Variants in ADGRL3 observed in about 807,000 individuals in gnomAD.
The protein encoded by ADGRL3 is calcium-independent alpha-latrotoxin receptor 3.
In ADGRL3, 62 loss-of-function variants were observed where a neutral mutation model predicts 153.5. That is an observed-to-expected ratio of 0.40 (90% CI 0.33 to 0.50). The LOEUF (loss-of-function observed/expected upper bound fraction) is 0.50. Ranked by LOEUF, ADGRL3 falls within the 20% of genes least tolerant of loss-of-function variation. The pLI, the probability that ADGRL3 is intolerant of heterozygous loss-of-function variation, is 0.47. For synonymous variants in ADGRL3, 710 were observed against 672.5 expected (o/e 1.06, Z -0.86); for missense variants, 1,641 against 1,859.4 (o/e 0.88, Z 2.16).
chr4:61,574,455 A>G (rs1363495800), intron 4 of ADGRL3, among the ~76,000 whole-genome samples: 1 of 151,950 alleles, frequency 6.6e-6, no homozygotes, highest in Non-Finnish European at 1.5e-5. Flanking sequence ...TACAGTCTAA[A>G]TACAGTGAGC....
intron 8 of ADGRL3, among the ~76,000 whole-genome samples, chr4:61,748,899 A>T (rs542685003): frequency 6.6e-6 from 1 of 151,486 alleles, no homozygotes; most frequent in Non-Finnish European, 1.5e-5. Flanking sequence ...ACAGCAAAAG[A>T]AACTACCATC....
At position 61,993,242 on chromosome 4, in the gene ADGRL3, C is replaced by A. The variant is rs542636550; in HGVS notation, c.3237-3049C>A. 6.3e-5 allele frequency among the ~76,000 whole-genome samples: 7 copies of A among 110,914 alleles called. No homozygotes were observed. In the East Asian group the frequency reaches 1.7e-3, roughly 26 times the overall value. 72.8% of individuals were successfully genotyped at this position (110,914 alleles called of 152,430 possible). A position where few individuals can be genotyped will look rare whatever the true frequency, so the allele number is the denominator to read the frequency against. ...AAAATGTCCATGTTTTGGTTTTGTC[C>A]TTCATTGTTTTTTTGTTTTTGTTTC... is the stretch of plus-strand genomic sequence containing the variant. On this transcript the variant is annotated intron_variant, in intron 19 of 26. Coordinates refer to ENST00000683033, the MANE Select transcript of ADGRL3 (RefSeq NM_001387552.1).
chr4:61,500,635 C>T (rs949127884), intron 3 of ADGRL3, among the ~76,000 whole-genome samples: 1 of 152,144 alleles, frequency 6.6e-6, no homozygotes, highest in Non-Finnish European at 1.5e-5. Context: ...AATTTTTGCC[C>T]TCTTGACCAT....
intron 5 of ADGRL3, among the ~76,000 whole-genome samples, chr4:61,670,882 TA>T (rs2094967810): frequency 6.6e-6 from 1 of 152,188 alleles, no homozygotes; most frequent in Non-Finnish European, 1.5e-5. Flanking sequence ...CATAGAATTA[TA>T]AGGAGTTCAG....
intron 5 of ADGRL3, among the ~76,000 whole-genome samples, chr4:61,637,612 A>T (rs2093481054): frequency 6.6e-6 from 1 of 151,944 alleles, no homozygotes; most frequent in Non-Finnish European, 1.5e-5. Flanking sequence ...AAAATACAAA[A>T]ATTATCCAGG....
chr4:61,502,784 AT>A (rs2098400762), intron 3 of ADGRL3, among the ~76,000 whole-genome samples: 1 of 152,208 alleles, frequency 6.6e-6, no homozygotes, highest in African/African-American at 2.4e-5. Flanking sequence ...ACTACATGGC[AT>A]TTTATCATAT....
At chr4:61,580,842 G>A (rs2098921795) in intron 4 of ADGRL3, among the ~76,000 whole-genome samples, 1 of 152,014 alleles carries the variant, frequency 6.6e-6, no homozygotes, top group Non-Finnish European at 1.5e-5. Context: ...GGCTGAAGTG[G>A]CAGTGTGTTT....
intron 1 of ADGRL3, among the ~76,000 whole-genome samples, chr4:61,357,449 T>A (rs1407388091): frequency 6.6e-6 from 1 of 152,148 alleles, no homozygotes; most frequent in African/African-American, 2.4e-5. Flanking sequence ...AATAGGAAAT[T>A]TGTTCTTGCA....
intron 1 of ADGRL3, among the ~76,000 whole-genome samples, chr4:61,249,116 C>G (rs1343746199): frequency 6.6e-6 from 1 of 152,110 alleles, no homozygotes; most frequent in Non-Finnish European, 1.5e-5. Context: ...TTCATGCATT[C>G]AGTCTGGAAA....
chr4:61,414,992 T>C (rs1393880041), intron 2 of ADGRL3, among the ~76,000 whole-genome samples: 3 of 151,994 alleles, frequency 2.0e-5, no homozygotes, highest in Non-Finnish European at 4.4e-5. Context: ...TTGGAAAATG[T>C]GCAAACTATA....
chr4:61,578,201 G>C (rs1240008269), intron 4 of ADGRL3, among the ~76,000 whole-genome samples: 2 of 152,010 alleles, frequency 1.3e-5, no homozygotes, highest in Non-Finnish European at 2.9e-5. Flanking sequence ...CCCAAGGAGA[G>C]TTATTGCATC....
At chr4:62,016,517 C>G (rs974072584) in intron 21 of ADGRL3, among the ~76,000 whole-genome samples, 2 of 152,144 alleles carry the variant, frequency 1.3e-5, no homozygotes, top group Non-Finnish European at 2.9e-5. Flanking sequence ...CAGTATCCTA[C>G]ATTAAATCTG....
chr4:61,988,395 T>G (rs1176961584), intron 19 of ADGRL3, among the ~76,000 whole-genome samples: 1 of 152,174 alleles, frequency 6.6e-6, no homozygotes, highest in Admixed American at 6.5e-5. Flanking sequence ...GGACATTTAT[T>G]TTCATTTATC....
At chr4:61,777,280 C>T (rs2097163419) in intron 8 of ADGRL3, among the ~76,000 whole-genome samples, 1 of 151,684 alleles carries the variant, frequency 6.6e-6, no homozygotes, top group African/African-American at 2.4e-5. Flanking sequence ...TTTCAGTGAG[C>T]AGAGATCGCG....
At chr4:61,224,564 G>A (rs1316164379) in intron 1 of ADGRL3, among the ~76,000 whole-genome samples, 2 of 152,208 alleles carry the variant, frequency 1.3e-5, no homozygotes, top group African/African-American at 4.8e-5. Flanking sequence ...AAAGAAGTGT[G>A]TGTGTAGGGG....
At chr4:61,585,013 G>A (rs935163880) in intron 4 of ADGRL3, among the ~76,000 whole-genome samples, 4 of 151,970 alleles carry the variant, frequency 2.6e-5, no homozygotes, top group African/African-American at 9.7e-5. Context: ...TGTCTATTGT[G>A]AGAGTACCTT....
At chr4:62,016,124 C>A (rs889410662) in intron 21 of ADGRL3, among the ~76,000 whole-genome samples, 11 of 152,042 alleles carry the variant, frequency 7.2e-5, no homozygotes, top group Non-Finnish European at 2.9e-5. Context: ...TCTCGGCTCA[C>A]TGAAACCTCC....
intron 6 of ADGRL3, among the ~76,000 whole-genome samples, chr4:61,723,113 C>A (rs1021860896): frequency 1.3e-5 from 2 of 152,134 alleles, no homozygotes; most frequent in African/African-American, 4.8e-5. Flanking sequence ...CTTGACAATT[C>A]CCCCTTTCTC....
intron 5 of ADGRL3, among the ~76,000 whole-genome samples, chr4:61,674,494 T>A (rs1480692230): frequency 6.6e-6 from 1 of 151,738 alleles, no homozygotes; most frequent in Non-Finnish European, 1.5e-5. Flanking sequence ...TAATAGGGAA[T>A]AAAATGACTA....
Sources: gnomAD v4.1 joint callset for allele counts (sites outside exome capture counted in the v4.1 genomes callset) on GRCh38, gnomAD v4.1.1 for gene constraint, MANE v1.5 for transcripts, NCBI Gene and HGNC (gene_info 2026-07-23, HGNC 2026-07-21) for gene names.